Variants in WWC2 observed in about 807,000 individuals in gnomAD.
WWC2 encodes protein WWC2.
WWC2 carries 101 observed loss-of-function variants against 138.5 expected under a neutral mutation model. The observed-to-expected ratio is 0.73, with a 90% CI of 0.62 to 0.86. WWC2 has a LOEUF of 0.86. WWC2 is among the 40% of genes least tolerant of loss of function. The pLI, the probability that WWC2 is intolerant of heterozygous loss-of-function variation, is 0.00. For synonymous variants in WWC2, 558 were observed against 538.4 expected, an observed-to-expected ratio of 1.04 and a Z score of -0.50; for missense variants, 1,420 against 1,419.4, an observed-to-expected ratio of 1.00 and a Z score of -0.01.
rs768908938 is a variant in WWC2, at chr4:183,284,336, G to A, written c.2994G>A (p.Val998=). ...SRQHPFVRSS[V]IVRSQTFSPG... ...AGCATCCGTTTGTGAGGAGCAGTGT[G>A]ATAGTGCGCTCACAGACCTTTTCTC... The change falls in exon 19 of 23, where the codon GTG becomes GTA. Residue 998 remains valine (V), a synonymous_variant. Transcript: ENST00000403733. The A allele has an allele frequency of 6.8e-6, 11 of 1,613,804 alleles. No individual in the cohort carries two copies. The African/African-American group carries it at 1.2e-4, about 18-fold the overall frequency.
intron 21 of WWC2, among the ~76,000 whole-genome samples, chr4:183,310,166 T>C (rs1441585664): frequency 6.6e-6 from 1 of 152,218 alleles, no homozygotes; most frequent in East Asian, 1.9e-4. Context: ...ACCCATTGAA[T>C]GTACACCAAG....
chr4:183,310,649 T>G (rs1372417336), intron 21 of WWC2, among the ~76,000 whole-genome samples: 2 of 147,992 alleles, frequency 1.4e-5, no homozygotes, highest in Non-Finnish European at 3.0e-5. Flanking sequence ...CACAGGCACA[T>G]GCCACCACAC....
chr4:183,102,849 TTGGCCAAATGGCC>T (rs1743223089), intron 1 of WWC2, among the ~76,000 whole-genome samples: 1 of 151,840 alleles, frequency 6.6e-6, no homozygotes, highest in Non-Finnish European at 1.5e-5. Context: ...GCCATAGGTC[TTGGCCAAATGGCC>T]TGGTGCTTTT....
chr4:183,243,696 T>C (rs1420258741), intron 5 of WWC2, among the ~76,000 whole-genome samples: 3 of 151,664 alleles, frequency 2.0e-5, no homozygotes, highest in Non-Finnish European at 4.4e-5. Flanking sequence ...TTGGAAGAAA[T>C]GTGACTAGGG....
At chr4:183,201,727 TGAG>T (rs1735304526) in intron 2 of WWC2, among the ~76,000 whole-genome samples, 2 of 152,250 alleles carry the variant, frequency 1.3e-5, no homozygotes, top group African/African-American at 4.8e-5. Context: ...GCATTAAGAT[TGAG>T]ATTACCAGGC....
intron 1 of WWC2, among the ~76,000 whole-genome samples, chr4:183,110,432 A>ATTT (rs545128013): frequency 8.5e-6 from 1 of 117,378 alleles, no homozygotes; most frequent in African/African-American, 3.3e-5. Context: ...CTGTAGAGCT[A>ATTT]TTTTTTTTTT....
At chr4:183,141,449 T>C (rs1030042398) in intron 1 of WWC2, among the ~76,000 whole-genome samples, 2 of 152,154 alleles carry the variant, frequency 1.3e-5, no homozygotes, top group East Asian at 1.9e-4. Flanking sequence ...TATATTCACA[T>C]TGGGAATTAG....
Position 183,269,032 on chromosome 4 carries a change from G to C in WWC2, c.2269G>C (p.Val757Leu). 1 of 1,613,840 alleles carries C rather than the reference G, an allele frequency of 6.2e-7. No homozygotes were observed. The highest frequency in any genetic ancestry group is 8.5e-7 in the Non-Finnish European group (1 of 1,179,882). Residue 757 changes from valine (V) to leucine (L), a missense_variant, in exon 15 of 23, where the codon GTT becomes CTT. Val to Leu is a conservative substitution (Grantham distance 32). Coordinates refer to ENST00000403733, the MANE Select transcript of WWC2 (RefSeq NM_024949.6). The part of the protein sequence containing the change: ...TDVSCLFRTK[V>L]HPPTESILFN... The stretch of plus-strand genomic sequence containing the variant: ...TGTCAGCTGTCTGTTTCGCACAAAA[G>C]TTCATCCGCCCACAGAATCCATTTT...
At position 183,280,885 on chromosome 4, in the gene WWC2, CA is replaced by C. The variant is rs1738049092; in HGVS notation, c.2673del (p.Asp892MetfsTer5). 1 of 1,567,016 alleles carries C rather than the reference CA, an allele frequency of 6.4e-7. No individual in the cohort carries two copies. The highest frequency in any genetic ancestry group is 1.4e-5 in the African/African-American group (1 of 73,808). On this transcript the variant is annotated frameshift_variant, in exon 17 of 23. Coordinates refer to ENST00000403733, the MANE Select transcript of WWC2 (RefSeq NM_024949.6). LOFTEE classifies it high-confidence loss of function. The part of the protein sequence containing the change: ...EESGQEEPRG[P>X]DGDWLTMLRE... ...TCAGGACAAGAAGAGCCAAGGGGCC[CA>C]GATGGAGACTGGTTAAACACTTATT...
intron 4 of WWC2, among the ~76,000 whole-genome samples, chr4:183,228,335 C>T (rs1044740420): frequency 6.6e-6 from 1 of 151,790 alleles, no homozygotes; most frequent in African/African-American, 2.4e-5. Flanking sequence ...TGAGAGATTC[C>T]AATATAACGT....
chr4:183,262,529 C>T (rs576051447), intron 11 of WWC2, among the ~76,000 whole-genome samples: 6 of 152,358 alleles, frequency 3.9e-5, no homozygotes, highest in South Asian at 2.1e-4. Context: ...CTTGTTTCTA[C>T]GGTTTCAAAT....
At chr4:183,114,179 C>T (rs916795329) in intron 1 of WWC2, among the ~76,000 whole-genome samples, 15 of 152,048 alleles carry the variant, frequency 9.9e-5, no homozygotes, top group Non-Finnish European at 1.8e-4. Context: ...GGCACCACCT[C>T]CTCCCCCCGC....
chr4:183,139,758 C>T lies in WWC2; in HGVS notation c.131+40136C>T, dbSNP rs142874018. Among the ~76,000 whole-genome samples, 55 of 152,298 alleles carry T rather than the reference C, an allele frequency of 3.6e-4. 2 individuals carry two copies. The East Asian group carries it at 0.01, about 29-fold the overall frequency. Reference sequence around the variant, plus strand: ...GCATTCACCCGTGCCGCCCTACCCCCGTCATCTGCCACCATATAACGTTAG... The same window carrying T: ...GCATTCACCCGTGCCGCCCTACCCCTGTCATCTGCCACCATATAACGTTAG... On this transcript the variant is annotated intron_variant, in intron 1 of 22. Transcript: ENST00000403733.
rs774519065 is a variant in WWC2 at position 183,117,369 on chromosome 4, C to T, written c.131+17747C>T. Among the ~76,000 whole-genome samples the T allele has an allele frequency of 6.1e-4, 93 of 151,342 alleles. 1 individual carries two copies. Among genetic ancestry groups the T allele is most frequent in the Non-Finnish European group, 4.6e-4 (31 of 67,854 alleles). On this transcript the variant is annotated intron_variant, in intron 1 of 22. Coordinates refer to ENST00000403733, the MANE Select transcript of WWC2 (RefSeq NM_024949.6). ...CTGGGTAGCTGAGATTACAGGTGCC[C>T]GCCACCATGCCCAGCTAATTTTTGT... is the stretch of plus-strand genomic sequence containing the variant.
intron 2 of WWC2, among the ~76,000 whole-genome samples, chr4:183,194,704 A>G (rs1020706332): frequency 6.6e-6 from 1 of 152,168 alleles, no homozygotes; most frequent in African/African-American, 2.4e-5. Flanking sequence ...AGCCTGTATT[A>G]TTAGCTGTGA....
intron 4 of WWC2, among the ~76,000 whole-genome samples, chr4:183,222,547 T>TA (rs1470632342): frequency 6.6e-6 from 1 of 152,086 alleles, no homozygotes; most frequent in Non-Finnish European, 1.5e-5. Flanking sequence ...AAAGATATTT[T>TA]AAAAAATAGA....
chr4:183,143,314 C>T (rs1733358568), intron 1 of WWC2, among the ~76,000 whole-genome samples: 2 of 152,200 alleles, frequency 1.3e-5, no homozygotes, highest in South Asian at 4.1e-4. Context: ...GATTTGCATT[C>T]CAGTCATGGC....
chr4:183,123,815 G>T (rs906650576), intron 1 of WWC2, among the ~76,000 whole-genome samples: 2 of 151,868 alleles, frequency 1.3e-5, no homozygotes, highest in East Asian at 1.9e-4. Context: ...AAATTTAAAA[G>T]ATTTCCTAAT....
At chr4:183,108,158 G>A (rs1732103370) in intron 1 of WWC2, among the ~76,000 whole-genome samples, 1 of 151,904 alleles carries the variant, frequency 6.6e-6, no homozygotes, top group African/African-American at 2.4e-5. Flanking sequence ...CTTTTAGCTC[G>A]TTATATATGT....
Sources: gnomAD v4.1 joint callset for allele counts (sites outside exome capture counted in the v4.1 genomes callset) on GRCh38, gnomAD v4.1.1 for gene constraint, MANE v1.5 for transcripts, NCBI Gene and HGNC (gene_info 2026-07-23, HGNC 2026-07-21) for gene names.